ACTR6: variants seen among roughly 807,000 people sequenced by gnomAD.
The protein encoded by ACTR6 is actin-related protein 6.
A neutral mutation model predicts 52.5 loss-of-function variants in ACTR6; 50 were observed. The ratio of observed to expected loss-of-function variants is 0.95; its 90% CI spans 0.76 to 1.20. The LOEUF is 1.20. ACTR6 is among the 50% of genes most tolerant of loss of function. ACTR6 has a pLI of 0.00. For missense variants in ACTR6, 344 were observed against 472.4 expected, an observed-to-expected ratio of 0.73 and a Z score of 2.52; for synonymous variants, 135 against 147.2, an observed-to-expected ratio of 0.92 and a Z score of 0.60.
At chr12:100,201,931 A>ATTT (rs572978105) in intron 1 of ACTR6, among the ~76,000 whole-genome samples, 2 of 140,764 alleles carry the variant, frequency 1.4e-5, no homozygotes. Flanking sequence ...TGACAAAGCA[A>ATTT]TTTTTTTTTT....
At chr12:100,217,212 A>G (rs2096124547) in intron 8 of ACTR6, among the ~76,000 whole-genome samples, 1 of 152,244 alleles carries the variant, frequency 6.6e-6, no homozygotes, top group Admixed American at 6.5e-5. Context: ...CTATTATTCA[A>G]GAATTCATGG....
At chr12:100,217,354 AAC>A in intron 8 of ACTR6, among the ~76,000 whole-genome samples, 1 of 152,298 alleles carries the variant, frequency 6.6e-6, no homozygotes, top group South Asian at 2.1e-4. Context: ...AAGCAGAGAA[AAC>A]CTCTCAGGAA....
At chr12:100,209,266 C>T (rs115558210) in intron 4 of ACTR6, among the ~76,000 whole-genome samples, 392 of 152,178 alleles carry the variant, frequency 2.6e-3, no homozygotes, top group African/African-American at 9.0e-3. Context: ...GGTGTAGTGG[C>T]TCATGCCTGT....
intron 9 of ACTR6, among the ~76,000 whole-genome samples, chr12:100,219,802 C>A (rs1260830036): frequency 6.6e-6 from 1 of 152,106 alleles, no homozygotes; most frequent in African/African-American, 2.4e-5. Flanking sequence ...TCTATGTGGT[C>A]ATTTTTCACT....
chr12:100,210,712 T>A (rs2096119151), intron 6 of ACTR6, among the ~76,000 whole-genome samples: 1 of 150,582 alleles, frequency 6.6e-6, no homozygotes, highest in East Asian at 1.9e-4. Flanking sequence ...AGTGAGACTC[T>A]CTCTCTCTCA....
chr12:100,205,144 C>A, intron 2 of ACTR6, 87 bp downstream of exon 2: 26 of 727,054 alleles, frequency 3.6e-5, no homozygotes, highest in Admixed American at 6.5e-5. Flanking sequence ...CTGTGTGTAA[C>A]TTAAATTTTA....
chr12:100,202,894 G>C (rs1566289795), intron 1 of ACTR6, among the ~76,000 whole-genome samples: 1 of 151,858 alleles, frequency 6.6e-6, no homozygotes, highest in African/African-American at 2.4e-5. Flanking sequence ...TCTGTACCCT[G>C]TAGCAGCAGC....
intron 8 of ACTR6, among the ~76,000 whole-genome samples, chr12:100,217,448 C>T (rs1199612663): frequency 2.6e-5 from 4 of 152,052 alleles, no homozygotes; most frequent in African/African-American, 7.2e-5. Context: ...ATTTATAAGT[C>T]AAATGAAATG....
chr12:100,218,975 G>C lies in ACTR6; in HGVS notation c.922+389G>C, dbSNP rs950274753. 1.3e-5 allele frequency among the ~76,000 whole-genome samples: 2 copies of C among 151,630 alleles called. No homozygotes were observed. Among genetic ancestry groups the C allele is most frequent in the African/African-American group, 4.8e-5 (2 of 41,280 alleles). On this transcript the variant is annotated intron_variant, in intron 9 of 10. Transcript: ENST00000188312. This position sits in a 1 kb window ranked among gnomAD's most constrained non-coding sequence, Gnocchi z 4.2. The stretch of plus-strand genomic sequence containing the variant: ...TGACTTATTCTTTCTGCTATATTTA[G>C]AGTAACATACAGGATTAATTTTAAA...
At chr12:100,221,831 C>A (rs1400772256) in intron 10 of ACTR6, 1 of 150,644 alleles carries the variant, frequency 6.6e-6, no homozygotes, top group Non-Finnish European at 1.5e-5. Flanking sequence ...AAAAGAAAAC[C>A]TTTTTTTTTG....
chr12:100,222,463 G>C (rs2096129095), intron 10 of ACTR6, among the ~76,000 whole-genome samples: 1 of 151,894 alleles, frequency 6.6e-6, no homozygotes, highest in African/African-American at 2.4e-5. Context: ...TTGCTATGTT[G>C]CTCAGGCTGG....
intron 4 of ACTR6, chr12:100,209,001 C>T (rs2096117561): frequency 3.1e-6 from 1 of 326,252 alleles, no homozygotes. Flanking sequence ...CCCGCCTTGG[C>T]CTCCCATAGT....
chr12:100,208,205 A>G (rs1201092283), intron 4 of ACTR6, among the ~76,000 whole-genome samples: 2 of 152,158 alleles, frequency 1.3e-5, no homozygotes, highest in Non-Finnish European at 2.9e-5. Flanking sequence ...TGAACCAAGT[A>G]AAGAAACTCT....
chr12:100,211,379 A>C (rs1007616769), intron 6 of ACTR6, among the ~76,000 whole-genome samples: 58 of 152,214 alleles, frequency 3.8e-4, no homozygotes, highest in African/African-American at 1.4e-3. Context: ...TCAAGAAATT[A>C]TCCTGCCTCA....
At chr12:100,206,687 T>G (rs971841) in intron 3 of ACTR6, among the ~76,000 whole-genome samples, 28,437 of 150,118 alleles carry the variant, frequency 0.19, 3,817 homozygotes, top group African/African-American at 0.38. Flanking sequence ...TTTTTTTTTT[T>G]AGGGGGAGTC....
chr12:100,205,217 T>G (rs1042687814), intron 2 of ACTR6, 160 bp downstream of exon 2: 9 of 525,178 alleles, frequency 1.7e-5, no homozygotes, highest in Non-Finnish European at 3.0e-5. Flanking sequence ...ACGACCATGA[T>G]TTAGTTACTT....
intron 4 of ACTR6, chr12:100,208,657 A>G: frequency 4.4e-6 from 2 of 454,078 alleles, no homozygotes; most frequent in Non-Finnish European, 8.8e-6. Flanking sequence ...ATTTCTTCTA[A>G]TGAAGTTACT....
intron 3 of ACTR6, chr12:100,206,233 C>A (rs1234273822): frequency 6.6e-6 from 1 of 152,060 alleles, no homozygotes; most frequent in Non-Finnish European, 1.5e-5. Context: ...AATCCCAGCA[C>A]TTTGGGAGGC....
At chr12:100,215,786 A>T (rs1285995926) in intron 8 of ACTR6, among the ~76,000 whole-genome samples, 8 of 152,150 alleles carry the variant, frequency 5.3e-5, no homozygotes, top group African/African-American at 1.9e-4. Context: ...ATATATTGGA[A>T]TTTTTTATAT....
Sources: gnomAD v4.1 joint callset for allele counts (sites outside exome capture counted in the v4.1 genomes callset) on GRCh38, gnomAD v4.1.1 for gene constraint, Gnocchi (gnomAD v3.1) non-coding constraint, MANE v1.5 for transcripts, NCBI Gene and HGNC (gene_info 2026-07-23, HGNC 2026-07-21) for gene names.